Variants in ADAMTS5 observed in about 807,000 individuals in gnomAD.
The protein encoded by ADAMTS5 is ADAM metallopeptidase with thrombospondin type 1 motif 5, also known as A disintegrin and metalloproteinase with thrombospondin motifs 5.
A neutral mutation model predicts 81.4 loss-of-function variants in ADAMTS5; 54 were observed. The observed-to-expected ratio is 0.66, with a 90% CI of 0.53 to 0.83. The LOEUF is 0.83. Ranked by LOEUF, ADAMTS5 falls within the 40% of genes least tolerant of loss-of-function variation. The pLI is 0.00. For missense variants in ADAMTS5, 1,194 were observed against 1,229.9 expected (o/e 0.97, Z 0.44); for synonymous variants, 532 against 508.8 (o/e 1.05, Z -0.61).
At chr21:26,924,643 G>A (rs777740948) in intron 7 of ADAMTS5, 23 bp from the exon 8 acceptor site, 2 of 1,560,336 alleles carry the variant, frequency 1.3e-6, no homozygotes, top group South Asian at 2.4e-5. Context: ...ATGTTCACAG[G>A]AAGTGGGGGA....
chr21:26,937,354 T>C (rs1011775022), intron 3 of ADAMTS5, among the ~76,000 whole-genome samples: 3 of 152,204 alleles, frequency 2.0e-5, no homozygotes, highest in Non-Finnish European at 2.9e-5. Flanking sequence ...CCCTTAGAGG[T>C]CATACATGTG....
In ADAMTS5 at chr21:26,965,964, A is replaced by G. The variant is rs1328817554; in HGVS notation, c.428T>C (p.Leu143Pro). Residue 143 changes from leucine (L) to proline (P), a missense_variant, in exon 1 of 8, where the codon CTG becomes CCG. Physicochemically the swap from Leu to Pro is moderately conservative, Grantham distance 98 (BLOSUM62 -3). This residue lies in a region of ADAMTS5 where 498 missense variants were observed against 412.3 expected (regional missense o/e 1.21). Coordinates refer to ENST00000284987, the MANE Select transcript of ADAMTS5 (RefSeq NM_007038.5). The stretch of plus-strand genomic sequence containing the variant: ...ACCCCCACAGAGGTCAAAGACAGCC[A>G]GAGAGCGGGGACTACCGTCCACTGT... The part of the protein sequence containing the change: ...RGTVDGSPRS[L>P]AVFDLCGGLD... 1 of 1,613,428 alleles carries G rather than the reference A, an allele frequency of 6.2e-7. No individual in the cohort carries two copies. Among genetic ancestry groups the G allele is most frequent in the Non-Finnish European group, 8.5e-7 (1 of 1,179,884 alleles).
intron 5 of ADAMTS5, 51 bp from the exon 6 acceptor site, chr21:26,932,230 T>C (rs1237107213): frequency 2.6e-6 from 4 of 1,559,234 alleles, no homozygotes; most frequent in African/African-American, 1.4e-5. Flanking sequence ...GAAACTTAGA[T>C]ATATTCTTGT....
chr21:26,940,236 A>T (rs1030444226), intron 3 of ADAMTS5, among the ~76,000 whole-genome samples: 2 of 152,258 alleles, frequency 1.3e-5, no homozygotes, highest in Non-Finnish European at 2.9e-5. Flanking sequence ...ATTCCCATTT[A>T]TAATGTACTC....
rs1324404246 is a variant in ADAMTS5 at position 26,967,016 on chromosome 21, G to C, written c.-625C>G. ...TGAAGCGGCGTGTCTGTGTCCCTTC[G>C]GCTGCGGTCTCCTCCTGCCCGCCGT... On this transcript the variant is annotated 5_prime_UTR_variant, in exon 1 of 8. Coordinates refer to ENST00000284987, the MANE Select transcript of ADAMTS5 (RefSeq NM_007038.5). 6.6e-6 allele frequency among the ~76,000 whole-genome samples: 1 copy of C among 152,214 alleles called. No homozygotes were observed. The highest frequency in any genetic ancestry group is 1.5e-5 in the Non-Finnish European group (1 of 68,036).
Position 26,922,008 on chromosome 21 carries a change from C to T in ADAMTS5, c.*2045G>A, listed in dbSNP as rs541958927. 1 of 152,048 alleles carries T rather than the reference C, an allele frequency of 6.6e-6. No individual in the cohort carries two copies. Among genetic ancestry groups the T allele is most frequent in the East Asian group, 1.9e-4 (1 of 5,170 alleles). 9.4% of individuals were successfully genotyped at this position (152,048 alleles called of 1,614,324 possible). A position where few individuals can be genotyped will look rare whatever the true frequency, so the allele number is the denominator to read the frequency against. ...TTATTTCCAAAATGGAAAAAAGTAA[C>T]ATTAACCTCTCTCCTAATTCTCTTT... On this transcript the variant is annotated 3_prime_UTR_variant, in exon 8 of 8. Transcript: ENST00000284987.
chr21:26,934,845 A>C, intron 3 of ADAMTS5, 96 bp from the exon 4 acceptor site: 2 of 1,475,696 alleles, frequency 1.4e-6, no homozygotes, highest in Non-Finnish European at 1.8e-6. Context: ...CTGGTGTTGG[A>C]GCACGAGGCA....
chr21:26,954,599 G>A lies in ADAMTS5; in HGVS notation c.1237+140C>T. 2.3e-6 allele frequency: 3 copies of A among 1,278,650 alleles called. No individual in the cohort carries two copies. The South Asian group carries it at 4.7e-5, about 20-fold the overall frequency. 79.2% of individuals were successfully genotyped at this position (1,278,650 alleles called of 1,614,324 possible). On this transcript the variant is annotated intron_variant, in intron 2 of 7. Coordinates refer to ENST00000284987, the MANE Select transcript of ADAMTS5 (RefSeq NM_007038.5). ...TCGCTCGTATTAGTTAACCTTAAAA[G>A]TGCAGATATAAACAAATTTAATTCC...
At position 26,918,435 on chromosome 21, in the gene ADAMTS5, T is replaced by C. The variant is rs966671110; in HGVS notation, c.*5618A>G. The stretch of plus-strand genomic sequence containing the variant: ...AACCAAATATTTATGCAATTGCTTC[T>C]ATCAAATGCAACATATTTCTTCAGT... On this transcript the variant is annotated 3_prime_UTR_variant, in exon 8 of 8. Coordinates refer to ENST00000284987, the MANE Select transcript of ADAMTS5 (RefSeq NM_007038.5). 1 of 152,126 alleles carries C rather than the reference T, an allele frequency of 6.6e-6. No homozygotes were observed. The highest frequency in any genetic ancestry group is 2.4e-5 in the African/African-American group (1 of 41,420). 9.4% of individuals were successfully genotyped at this position (152,126 alleles called of 1,614,324 possible).
intron 3 of ADAMTS5, 121 bp downstream of exon 3, chr21:26,943,259 C>A: frequency 2.0e-6 from 2 of 1,005,828 alleles, no homozygotes; most frequent in Admixed American, 3.0e-5. Flanking sequence ...TTTCTTCTGA[C>A]ACTATCCACA....
chr21:26,955,691 C>A (rs1297263398), intron 1 of ADAMTS5, among the ~76,000 whole-genome samples: 1 of 152,044 alleles, frequency 6.6e-6, no homozygotes, highest in Non-Finnish European at 1.5e-5. Context: ...ATATAAGCCG[C>A]AACTTTTTGA....
At position 26,924,138 on chromosome 21, in the gene ADAMTS5, T is replaced by C. The variant is rs367684090; in HGVS notation, c.2708A>G (p.Gln903Arg). 6.2e-6 allele frequency: 10 copies of C among 1,613,440 alleles called. No homozygotes were observed. The highest frequency in any genetic ancestry group is 1.7e-5 in the Admixed American group (1 of 59,994). Residue 903 changes from glutamine to arginine, a missense_variant, in exon 8 of 8, where the codon CAG becomes CGG. By Grantham distance (43) the Gln-to-Arg change is conservative. Around this residue, in one of 2 missense-constraint regions of ADAMTS5, gnomAD observed 696 missense variants for 817.6 expected, o/e 0.85. Coordinates refer to ENST00000284987, the MANE Select transcript of ADAMTS5 (RefSeq NM_007038.5). ...TGWHTRTVQC[Q>R]DGNRKLAKGC... ...TTTTGCTAACTTCCGGTTTCCATCCTGGCACTGCACCGTTCTGGTGTGCCA... is the reference window on the plus strand; with the variant it reads ...TTTTGCTAACTTCCGGTTTCCATCCCGGCACTGCACCGTTCTGGTGTGCCA...
Position 26,924,042 on chromosome 21 carries a change from A to T in ADAMTS5, c.*11T>A. On this transcript the variant is annotated 3_prime_UTR_variant, in exon 8 of 8. Transcript: ENST00000284987. ...TCCAGTTATCTTTGTGCATAAGATC[A>T]TAACCACAGGCTAACATTTCTTCAA... 3.2e-6 allele frequency: 5 copies of T among 1,580,286 alleles called. 1 individual carries two copies. In the African/African-American group the frequency reaches 6.7e-5, roughly 21 times the overall value.
intron 2 of ADAMTS5, among the ~76,000 whole-genome samples, chr21:26,949,661 G>A (rs1987282145): frequency 6.6e-6 from 1 of 152,116 alleles, no homozygotes. Context: ...AACATGAATT[G>A]GGATTAAGTT....
At chr21:26,945,639 C>T (rs1467374283) in intron 2 of ADAMTS5, among the ~76,000 whole-genome samples, 1 of 152,122 alleles carries the variant, frequency 6.6e-6, no homozygotes, top group Non-Finnish European at 1.5e-5. Flanking sequence ...TTCTCTCTTT[C>T]AGAGAGGTGA....
chr21:26,966,533 C>T lies in ADAMTS5; in HGVS notation c.-142G>A. ...GTCAAGTGTCGGAGGGAGGGGGGCC[C>T]GGCAGCAGCGCCAGCCTGTCCGGGC... On this transcript the variant is annotated 5_prime_UTR_variant, in exon 1 of 8. Coordinates refer to ENST00000284987, the MANE Select transcript of ADAMTS5 (RefSeq NM_007038.5). The T allele has an allele frequency of 2.6e-6, 2 of 781,988 alleles. No homozygotes were observed. Among genetic ancestry groups the T allele is most frequent in the Non-Finnish European group, 1.8e-6 (1 of 557,086 alleles). The allele number at this position is 781,988 out of a possible 1,614,324, so 48.4% of individuals were successfully genotyped here. A position where few individuals can be genotyped will look rare whatever the true frequency, so the allele number is the denominator to read the frequency against.
chr21:26,932,856 C>A lies in ADAMTS5; in HGVS notation c.1873+5G>T. The A allele has an allele frequency of 1.2e-6, 2 of 1,601,800 alleles. No homozygotes were observed. The highest frequency in any genetic ancestry group is 1.7e-6 in the Non-Finnish European group (2 of 1,175,636). The stretch of plus-strand genomic sequence containing the variant: ...GATGGTTGCTGACACTTGGGAGCAG[C>A]GTACCATTGGGTGGGCAGGGCATGA... On this transcript the variant is annotated splice_donor_5th_base_variant and intron_variant, in intron 5 of 7. Coordinates refer to ENST00000284987, the MANE Select transcript of ADAMTS5 (RefSeq NM_007038.5).
chr21:26,965,947 A>T lies in ADAMTS5; in HGVS notation c.445T>A (p.Cys149Ser), dbSNP rs530767250. The T allele has an allele frequency of 6.2e-7, 1 of 1,613,662 alleles. No individual in the cohort carries two copies. Among genetic ancestry groups the T allele is most frequent in the East Asian group, 2.2e-5 (1 of 44,848 alleles). Residue 149 changes from cysteine (C) to serine (S), a missense_variant, in exon 1 of 8, where the codon TGT becomes AGT. Around this residue, in one of 2 missense-constraint regions of ADAMTS5, gnomAD observed 498 missense variants for 412.3 expected, o/e 1.21. Coordinates refer to ENST00000284987, the MANE Select transcript of ADAMTS5 (RefSeq NM_007038.5). ...GCGAAGAAGCCGTCGAGACCCCCAC[A>T]GAGGTCAAAGACAGCCAGAGAGCGG... ...SPRSLAVFDL[C>S]GGLDGFFAVK...
chr21:26,927,932 T>C (rs954375058), intron 7 of ADAMTS5, among the ~76,000 whole-genome samples: 3 of 151,730 alleles, frequency 2.0e-5, no homozygotes, highest in Admixed American at 6.6e-5. Flanking sequence ...TGAGAGAAAA[T>C]GAGACGTGAA....
Sources: allele counts gnomAD v4.1 joint callset (sites outside exome capture counted in the v4.1 genomes callset), GRCh38; gene constraint gnomAD v4.1.1; regional missense constraint gnomAD v4.1.1; transcripts MANE v1.5; gene names NCBI Gene and HGNC (gene_info 2026-07-23, HGNC 2026-07-21).